The following CAMTA1 variants were observed in gnomAD, a reference collection of about 807,000 sequenced individuals.
CAMTA1 encodes the protein calmodulin-binding transcription activator 1.
In CAMTA1, 27 loss-of-function variants were observed where a neutral mutation model predicts 170.9. The observed-to-expected ratio is 0.16, with a 90% CI of 0.12 to 0.22. The LOEUF is 0.22. Among genes scored for constraint, CAMTA1 ranks in the 10% least tolerant of loss-of-function variants. The pLI is 1.00. For synonymous variants in CAMTA1, 833 were observed against 891.5 expected, an observed-to-expected ratio of 0.93 and a Z score of 1.17; for missense variants, 1,619 against 2,217.2, an observed-to-expected ratio of 0.73 and a Z score of 5.42.
intron 5 of CAMTA1, among the ~76,000 whole-genome samples, chr1:7,272,974 A>G (rs1670068983): frequency 6.6e-6 from 1 of 152,238 alleles, no homozygotes; most frequent in East Asian, 1.9e-4. Flanking sequence ...AAGAAGATAT[A>G]TGAATAGCCA....
At chr1:7,687,788 T>C (rs1052166480) in intron 11 of CAMTA1, among the ~76,000 whole-genome samples, 1 of 152,096 alleles carries the variant, frequency 6.6e-6, no homozygotes, top group African/African-American at 2.4e-5. Context: ...GGCTCCCCGC[T>C]GGGGAGCAGG....
intron 2 of CAMTA1, among the ~76,000 whole-genome samples, chr1:6,824,786 A>G (rs551156751): frequency 6.6e-6 from 1 of 152,284 alleles, no homozygotes; most frequent in East Asian, 1.9e-4. Context: ...GTGCTTCATC[A>G]AAACATGGGG....
intron 11 of CAMTA1, among the ~76,000 whole-genome samples, chr1:7,704,661 G>T (rs1284232132): frequency 6.7e-6 from 1 of 148,572 alleles, no homozygotes; most frequent in Non-Finnish European, 1.5e-5. Flanking sequence ...GGCGGGGTCT[G>T]GTCCGGTGAG....
At position 7,757,885 on chromosome 1, in the gene CAMTA1, A is replaced by G. The variant is rs867876530; in HGVS notation, c.4989+2217A>G. On this transcript the variant is annotated intron_variant, in intron 22 of 22. Transcript: ENST00000303635. ...ACTCTTACGTAAACTTAACTAATTA[A>G]TCCTCTCTAGACTTAAGGAATTGTT... Among the ~76,000 whole-genome samples the G allele has an allele frequency of 7.9e-5, 12 of 152,316 alleles. No individual in the cohort carries two copies. In the Middle Eastern group the frequency reaches 0.014, roughly 173 times the overall value.
At chr1:7,212,056 A>G (rs1401757062) in intron 4 of CAMTA1, among the ~76,000 whole-genome samples, 5 of 152,234 alleles carry the variant, frequency 3.3e-5, no homozygotes, top group East Asian at 3.8e-4. Context: ...GAGTTAACCT[A>G]TACCACTGAA....
intron 3 of CAMTA1, among the ~76,000 whole-genome samples, chr1:7,028,692 T>C (rs1182643696): frequency 6.6e-6 from 1 of 152,202 alleles, no homozygotes. Context: ...GGTATTATTG[T>C]GAGTCATTTT....
rs1344219808 is a variant in CAMTA1, at chr1:7,565,483, T to C, written c.511-74917T>C. 6.6e-6 allele frequency among the ~76,000 whole-genome samples: 1 copy of C among 152,162 alleles called. No individual in the cohort carries two copies. The highest frequency in any genetic ancestry group is 2.4e-5 in the African/African-American group (1 of 41,444). On this transcript the variant is annotated intron_variant, in intron 6 of 22. Transcript: ENST00000303635. The surrounding 1 kb of genome is among the most constrained non-coding windows in gnomAD (Gnocchi z 4.5). ...AGAGGCCAGGAACAGAGGGCTTGGC[T>C]GAGTGTCCACATCAGGGGCTGGGCT...
chr1:7,589,474 C>A (rs113179238), intron 6 of CAMTA1, among the ~76,000 whole-genome samples: 5 of 152,284 alleles, frequency 3.3e-5, no homozygotes, highest in African/African-American at 1.2e-4. Context: ...CCAGGGGAGG[C>A]AAATCCTCTT....
chr1:7,697,923 G>A (rs1425444002), intron 11 of CAMTA1, among the ~76,000 whole-genome samples: 1 of 152,144 alleles, frequency 6.6e-6, no homozygotes, highest in African/African-American at 2.4e-5. Flanking sequence ...GGCTCAAAAT[G>A]ATGAGAATGG....
rs767918304 is a variant in CAMTA1 at position 7,580,131 on chromosome 1, C to T, written c.511-60269C>T. 1.3e-5 allele frequency among the ~76,000 whole-genome samples: 2 copies of T among 152,250 alleles called. No individual in the cohort carries two copies. The highest frequency in any genetic ancestry group is 1.5e-5 in the Non-Finnish European group (1 of 68,056). On this transcript the variant is annotated intron_variant, in intron 6 of 22. Transcript: ENST00000303635. The surrounding 1 kb of genome is among the most constrained non-coding windows in gnomAD (Gnocchi z 4.3). ...CCACAGGGAGCATCCCTGCCCACAGCGGGCTCACAGTCCGAGAGGACACTG... is the reference window on the plus strand; with the variant it reads ...CCACAGGGAGCATCCCTGCCCACAGTGGGCTCACAGTCCGAGAGGACACTG...
chr1:7,306,394 C>A (rs555665868), intron 5 of CAMTA1, among the ~76,000 whole-genome samples: 1 of 151,920 alleles, frequency 6.6e-6, no homozygotes, highest in African/African-American at 2.4e-5. Flanking sequence ...AAAAAAAAAT[C>A]TTCTCCATTG....
intron 2 of CAMTA1, among the ~76,000 whole-genome samples, chr1:6,822,398 T>C (rs774413178): frequency 2.0e-5 from 3 of 152,224 alleles, no homozygotes; most frequent in South Asian, 2.1e-4. Flanking sequence ...TTTAAAAATA[T>C]GAGTTTTAAC....
intron 3 of CAMTA1, among the ~76,000 whole-genome samples, chr1:7,083,467 G>A (rs766080484): frequency 6.6e-6 from 1 of 152,240 alleles, no homozygotes; most frequent in African/African-American, 2.4e-5. Flanking sequence ...TCCTGTGCAG[G>A]GTGTTGGCTT....
chr1:7,519,644 A>T (rs1292414070), intron 6 of CAMTA1, among the ~76,000 whole-genome samples: 1 of 151,756 alleles, frequency 6.6e-6, no homozygotes, highest in African/African-American at 2.4e-5. Flanking sequence ...GCCTAGAGCC[A>T]ACCCTGAGCT....
intron 6 of CAMTA1, among the ~76,000 whole-genome samples, chr1:7,488,124 T>A (rs1404836000): frequency 1.3e-5 from 2 of 152,154 alleles, no homozygotes; most frequent in Non-Finnish European, 2.9e-5. Context: ...CTCTCTAAAA[T>A]CTCTCTGGAG....
intron 4 of CAMTA1, among the ~76,000 whole-genome samples, chr1:7,162,204 C>G (rs74051168): frequency 2.5e-3 from 382 of 152,174 alleles, no homozygotes; most frequent in African/African-American, 9.0e-3. Context: ...TGGGGCAAGA[C>G]CATGTATGGT....
rs985568152 is a variant in CAMTA1 at position 7,043,108 on chromosome 1, C to G, written c.235-48196C>G. ...TGCCCAGCTGTGGAGCCTGGCAGGA[C>G]GGGACAGGTGGCCACTTAGGGAACA... On this transcript the variant is annotated intron_variant, in intron 3 of 22. Transcript: ENST00000303635. Among the ~76,000 whole-genome samples the G allele has an allele frequency of 2.0e-5, 3 of 152,172 alleles. No individual in the cohort carries two copies. The East Asian group carries it at 5.8e-4, about 29-fold the overall frequency.
chr1:7,372,935 C>T (rs938918106), intron 5 of CAMTA1, among the ~76,000 whole-genome samples: 7 of 152,208 alleles, frequency 4.6e-5, no homozygotes, highest in Admixed American at 3.9e-4. Context: ...TGAAGTGGCC[C>T]TGGGCCAACC....
At chr1:6,926,562 TTC>T (rs1294971908) in intron 3 of CAMTA1, among the ~76,000 whole-genome samples, 1 of 138,904 alleles carries the variant, frequency 7.2e-6, no homozygotes, top group Non-Finnish European at 1.6e-5. Flanking sequence ...CCTTCCTTCT[TTC>T]TCTCTCTCTC....
Sources: gnomAD v4.1 joint callset for allele counts (sites outside exome capture counted in the v4.1 genomes callset) on GRCh38, gnomAD v4.1.1 for gene constraint, Gnocchi (gnomAD v3.1) non-coding constraint, MANE v1.5 for transcripts, NCBI Gene and HGNC (gene_info 2026-07-23, HGNC 2026-07-21) for gene names.